The following PACS2 variants were observed in gnomAD, a reference collection of about 807,000 sequenced individuals.
The protein encoded by PACS2 is phosphofurin acidic cluster sorting protein 2, also known as PACS1-like protein.
PACS2 carries 36 observed loss-of-function variants against 113.0 expected under a neutral mutation model. The observed-to-expected ratio is 0.32, with a 90% CI of 0.24 to 0.42. The LOEUF (loss-of-function observed/expected upper bound fraction) is 0.42, where lower values mean the gene tolerates loss of function less well. Ranked by LOEUF, PACS2 falls within the 10% of genes least tolerant of loss-of-function variation. The probability of loss-of-function intolerance (pLI) is 1.00; values close to 1 mark genes in which losing one functional copy is unlikely to be tolerated. For missense variants in PACS2, 1,015 were observed against 1,239.5 expected, an observed-to-expected ratio of 0.82 and a Z score of 2.72; for synonymous variants, 589 against 536.1, an observed-to-expected ratio of 1.10 and a Z score of -1.36.
intron 9 of PACS2, among the ~76,000 whole-genome samples, chr14:105,378,537 G>T (rs979773232): frequency 3.9e-5 from 6 of 152,246 alleles, no homozygotes; most frequent in African/African-American, 1.4e-4. Context: ...AGCCTCCTCA[G>T]TAGCTGAGAC....
At chr14:105,305,779 C>T (rs1256066143) in intron 1 of PACS2, among the ~76,000 whole-genome samples, 2 of 152,234 alleles carry the variant, frequency 1.3e-5, no homozygotes, top group East Asian at 3.9e-4. Flanking sequence ...CTCAAAGAGT[C>T]AAGCAAGGGC....
At chr14:105,392,527 G>A in intron 22 of PACS2, 92 bp from the exon 23 acceptor site, 1 of 1,151,240 alleles carries the variant, frequency 8.7e-7, no homozygotes, top group Non-Finnish European at 1.2e-6. Context: ...ACAGGTGCTG[G>A]CTGTCACCTC....
Position 105,394,614 on chromosome 14 carries a change from C to T in PACS2, c.2657C>T (p.Ser886Phe). ...TTCTTCCAGCTGGCCGCGCAGTGGT[C>T]CTCGCACGTGAAGCACTTCCCCATC... ...VKFFQLAAQW[S>F]SHVKHFPICI... Residue 886 changes from serine (S) to phenylalanine (F), a missense_variant, in exon 25 of 25, where the codon TCC (serine) becomes TTC (phenylalanine). Around this residue, in one of 3 missense-constraint regions of PACS2, gnomAD observed 859 missense variants for 1,056.8 expected, o/e 0.81. Transcript: ENST00000447393. 1 of 1,613,478 alleles carries T rather than the reference C, an allele frequency of 6.2e-7. No individual in the cohort carries two copies. Among genetic ancestry groups the T allele is most frequent in the Non-Finnish European group, 8.5e-7 (1 of 1,179,978 alleles).
Position 105,368,470 on chromosome 14 carries a change from G to A in PACS2, c.672G>A (p.Glu224=), listed in dbSNP as rs1555408521. ...ATATGTCTCTGCAGGACTTGGACGA[G>A]GACGACTTTGACGTGGGGAAGCCGA... ...DDAVQGQDLD[E]DDFDVGKPKK... The change falls in exon 7 of 25, where the codon GAG becomes GAA. Residue 224 remains glutamate, a synonymous_variant. Transcript: ENST00000447393. 1 of 1,613,890 alleles carries A rather than the reference G, an allele frequency of 6.2e-7. No homozygotes were observed. Among genetic ancestry groups the A allele is most frequent in the Admixed American group, 1.7e-5 (1 of 60,030 alleles).
intron 16 of PACS2, chr14:105,383,818 T>C: frequency 2.6e-6 from 1 of 391,742 alleles, no homozygotes. Context: ...GCTGGGTGTC[T>C]CCTCCATCAG....
intron 18 of PACS2, 100 bp from the exon 19 acceptor site, chr14:105,385,585 C>T: frequency 1.4e-6 from 1 of 707,100 alleles, no homozygotes; most frequent in Non-Finnish European, 2.3e-6. Flanking sequence ...CGCAGGAGCC[C>T]CAGTGAGATG....
At position 105,304,359 on chromosome 14, in the gene PACS2, G is replaced by A. The variant is rs587644659; in HGVS notation, c.-83+3380G>A. On this transcript the variant is annotated intron_variant, in intron 1 of 23. Transcript: ENST00000430725. ...CAAAAATTAGCAGGTGTGATGGTGG[G>A]CGCCTGTAGTTCCAGCTACTCGGGA... is the stretch of plus-strand genomic sequence containing the variant. Among the ~76,000 whole-genome samples, 383 of 152,206 alleles carry A rather than the reference G, an allele frequency of 2.5e-3. 2 individuals carry two copies. Among genetic ancestry groups the A allele is most frequent in the African/African-American group, 8.8e-3 (364 of 41,502 alleles).
chr14:105,387,083 C>T (rs587736397), intron 19 of PACS2, among the ~76,000 whole-genome samples: 1 of 152,314 alleles, frequency 6.6e-6, no homozygotes, highest in East Asian at 1.9e-4. Flanking sequence ...ACACTGGCTG[C>T]CTCCACGTTA....
chr14:105,317,680 G>A lies in PACS2; in HGVS notation c.119+2643G>A, dbSNP rs1162191371. Among the ~76,000 whole-genome samples the A allele has an allele frequency of 1.3e-5, 2 of 151,514 alleles. No individual in the cohort carries two copies. The highest frequency in any genetic ancestry group is 4.9e-5 in the African/African-American group (2 of 41,146). ...TCTTTAGAGATAGTCATCCTTTCTC[G>A]GCTGTGTTGAGGATGTCCCCGTCCA... is the stretch of plus-strand genomic sequence containing the variant. On this transcript the variant is annotated intron_variant, in intron 1 of 24. Coordinates refer to ENST00000447393, the MANE Select transcript of PACS2 (RefSeq NM_001100913.3). The surrounding 1 kb of genome is among the most constrained non-coding windows in gnomAD (Gnocchi z 4.2).
intron 16 of PACS2, 117 bp downstream of exon 16, chr14:105,383,630 CGTG>C (rs1336614992): frequency 7.5e-6 from 7 of 937,774 alleles, no homozygotes; most frequent in Admixed American, 2.8e-5. Context: ...CGCGGTGTGT[CGTG>C]GTGTGGCGCG....
At chr14:105,311,675 C>G (rs2058352118), upstream of PACS2, among the ~76,000 whole-genome samples, 1 of 152,230 alleles carries the variant, frequency 6.6e-6, no homozygotes, top group Non-Finnish European at 1.5e-5. Flanking sequence ...AGGCCTCACT[C>G]TCAGCAGTTG....
intron 1 of PACS2, among the ~76,000 whole-genome samples, chr14:105,339,800 A>C (rs587726625): frequency 2.6e-5 from 4 of 152,334 alleles, no homozygotes; most frequent in African/African-American, 9.6e-5. Flanking sequence ...AGTAGCAAAC[A>C]TGCCTGGCTA....
chr14:105,361,785 A>G (rs1417720639), intron 4 of PACS2, among the ~76,000 whole-genome samples: 4 of 152,146 alleles, frequency 2.6e-5, no homozygotes, highest in Admixed American at 1.3e-4. Context: ...CCCCGTCTCT[A>G]CTAAAAATAC....
intron 4 of PACS2, among the ~76,000 whole-genome samples, chr14:105,362,932 A>G (rs190014680): frequency 6.6e-5 from 10 of 152,322 alleles, no homozygotes; most frequent in Middle Eastern, 3.4e-3. Flanking sequence ...AGCCATGAAA[A>G]CAACATTCGT....
rs1021702073 is a variant in PACS2 at position 105,330,033 on chromosome 14, A to G, written c.119+14996A>G. On this transcript the variant is annotated intron_variant, in intron 1 of 24. Coordinates refer to ENST00000447393, the MANE Select transcript of PACS2 (RefSeq NM_001100913.3). The surrounding 1 kb of genome is among the most constrained non-coding windows in gnomAD (Gnocchi z 6.9). ...TGGGGGATTTCAGTGAGAACCAGGA[A>G]GGGTTGAGCCAGAGCCTCCGAGAAG... Among the ~76,000 whole-genome samples the G allele has an allele frequency of 6.6e-6, 1 of 152,036 alleles. No individual in the cohort carries two copies.
chr14:105,370,709 A>T (rs1555409172), intron 8 of PACS2: 1 of 152,248 alleles, frequency 6.6e-6, no homozygotes, highest in Non-Finnish European at 1.5e-5. Context: ...AAAAAACTTC[A>T]AATCTCGGCT....
chr14:105,345,555 CAG>C (rs1272480061), intron 1 of PACS2, among the ~76,000 whole-genome samples: 1 of 152,214 alleles, frequency 6.6e-6, no homozygotes, highest in South Asian at 2.1e-4. Context: ...ACATTCCATT[CAG>C]AGTGTTCTCT....
At chr14:105,314,702 G>A (rs2058481158), upstream of PACS2, 1 of 142,690 alleles carries the variant, frequency 7.0e-6, no homozygotes, top group Non-Finnish European at 1.5e-5. Context: ...GGCCGGGGGC[G>A]CGCGGGGCGC....
Position 105,376,630 on chromosome 14 carries a change from A to G in PACS2, c.802-138A>G, listed in dbSNP as rs1050529791. The G allele has an allele frequency of 2.9e-6, 2 of 699,878 alleles. No individual in the cohort carries two copies. The highest frequency in any genetic ancestry group is 4.7e-6 in the Non-Finnish European group (2 of 425,728). The allele number at this position is 699,878 out of a possible 1,614,324, so 43.4% of individuals were successfully genotyped here. On this transcript the variant is annotated intron_variant, in intron 8 of 24. Transcript: ENST00000447393. This position sits in a 1 kb window ranked among gnomAD's most constrained non-coding sequence, Gnocchi z 4.7. The stretch of plus-strand genomic sequence containing the variant: ...CGAGCTCCAAGACAGAAGCTGGACT[A>G]CAGCCGTGCTGAGTGGAGGGGTTTG...
Sources: allele counts gnomAD v4.1 joint callset (sites outside exome capture counted in the v4.1 genomes callset), GRCh38; gene constraint gnomAD v4.1.1; regional missense constraint gnomAD v4.1.1; non-coding constraint Gnocchi (gnomAD v3.1); transcripts MANE v1.5; gene names NCBI Gene and HGNC (gene_info 2026-07-23, HGNC 2026-07-21).